CREB5: variants seen among roughly 807,000 people sequenced by gnomAD.
CREB5 encodes cAMP responsive element binding protein 5.
Under a neutral mutation model 57.1 loss-of-function variants are expected in CREB5, and 19 were observed. The ratio of observed to expected loss-of-function variants is 0.33; its 90% confidence interval spans 0.23 to 0.49. The LOEUF is 0.49. Ranked by LOEUF, CREB5 falls within the 20% of genes least tolerant of loss-of-function variation. The pLI is 0.99. For synonymous variants in CREB5, 238 were observed against 238.3 expected, an observed-to-expected ratio of 1.00 and a Z score of 0.01; for missense variants, 579 against 671.6, an observed-to-expected ratio of 0.86 and a Z score of 1.52.
chr7:28,679,052 C>CTTTTTTTTTTTTT (rs56266854), intron 5 of CREB5, among the ~76,000 whole-genome samples: 23 of 123,836 alleles, frequency 1.9e-4, no homozygotes, highest in East Asian at 7.6e-4. Context: ...TTTTGTAGTT[C>CTTTTTTTTTTTTT]TTTTTTTTTT....
At chr7:28,567,240 T>C (rs1002248776) in intron 4 of CREB5, among the ~76,000 whole-genome samples, 1 of 152,242 alleles carries the variant, frequency 6.6e-6, no homozygotes, top group African/African-American at 2.4e-5. Flanking sequence ...TTCTTCTTAA[T>C]CCTGATCCTC....
At chr7:28,612,496 A>G (rs2128678193) in intron 5 of CREB5, among the ~76,000 whole-genome samples, 1 of 151,718 alleles carries the variant, frequency 6.6e-6, no homozygotes. Context: ...ATAATGGTGA[A>G]ATAAAATCCT....
intron 5 of CREB5, among the ~76,000 whole-genome samples, chr7:28,700,390 A>C (rs1277011550): frequency 1.3e-5 from 2 of 152,150 alleles, no homozygotes; most frequent in Non-Finnish European, 2.9e-5. Context: ...CCCTCAGCTG[A>C]CTTCCTTGGC....
At chr7:28,536,425 G>C (rs968984070) in intron 4 of CREB5, among the ~76,000 whole-genome samples, 1 of 152,120 alleles carries the variant, frequency 6.6e-6, no homozygotes, top group East Asian at 1.9e-4. Flanking sequence ...CTCCCTTCCA[G>C]CTCTGAAGCT....
chr7:28,570,517 T>C lies in CREB5; in HGVS notation c.444T>C (p.Pro148=). 1 of 1,613,896 alleles carries C rather than the reference T, an allele frequency of 6.2e-7. No homozygotes were observed. Among genetic ancestry groups the C allele is most frequent in the African/African-American group, 1.3e-5 (1 of 75,012 alleles). The change falls in exon 5 of 11, where the codon CCT becomes CCC. Residue 148 remains proline (P), a synonymous_variant. Transcript: ENST00000357727. ...CCAGCTCTGTCATCACTCAGGCACC[T>C]TCCACCAACCGCCAGATCGGGTAAG... ...PQSSSVITQA[P]STNRQIGPVP...
intron 5 of CREB5, among the ~76,000 whole-genome samples, chr7:28,676,677 G>A (rs528622582): frequency 6.6e-6 from 1 of 152,244 alleles, no homozygotes; most frequent in East Asian, 1.9e-4. Context: ...AGTATCCAGA[G>A]GCCACTGTTG....
chr7:28,717,988 A>G (rs1165469837), intron 5 of CREB5, among the ~76,000 whole-genome samples: 3 of 152,242 alleles, frequency 2.0e-5, no homozygotes, highest in African/African-American at 7.2e-5. Flanking sequence ...TAAGGCTCTT[A>G]AAATTGTTTT....
chr7:28,484,503 A>T (rs1408449995), intron 1 of CREB5, among the ~76,000 whole-genome samples: 1 of 152,176 alleles, frequency 6.6e-6, no homozygotes, highest in Non-Finnish European at 1.5e-5. Context: ...CATCAGAATA[A>T]AGCAGTTGAA....
chr7:28,636,825 C>T (rs1188946000), intron 5 of CREB5, among the ~76,000 whole-genome samples: 2 of 152,098 alleles, frequency 1.3e-5, no homozygotes, highest in Non-Finnish European at 2.9e-5. Flanking sequence ...CTCTTTTATC[C>T]AGCCTCCTCA....
At chr7:28,737,564 TATATATATATA>T (rs1804082011) in intron 7 of CREB5, among the ~76,000 whole-genome samples, 3 of 110,168 alleles carry the variant, frequency 2.7e-5, no homozygotes, top group South Asian at 2.5e-4. Context: ...TATATATATA[TATATATATATA>T]TATATATATA....
At chr7:28,620,855 G>A (rs183133114) in intron 5 of CREB5, among the ~76,000 whole-genome samples, 197 of 152,278 alleles carry the variant, frequency 1.3e-3, no homozygotes, top group African/African-American at 4.6e-3. Context: ...GACACAGTCT[G>A]TGATCCAGTC....
At chr7:28,467,126 G>T (rs1790615387) in intron 1 of CREB5, among the ~76,000 whole-genome samples, 1 of 152,202 alleles carries the variant, frequency 6.6e-6, no homozygotes, top group Non-Finnish European at 1.5e-5. Context: ...AGGCAGTGTA[G>T]GGCCTTCCAC....
intron 5 of CREB5, among the ~76,000 whole-genome samples, chr7:28,694,101 T>C (rs1482794310): frequency 6.6e-6 from 1 of 152,234 alleles, no homozygotes; most frequent in Non-Finnish European, 1.5e-5. Context: ...AGATTTCTTT[T>C]TTAGATGGCA....
At chr7:28,596,334 A>G (rs745496546) in intron 5 of CREB5, among the ~76,000 whole-genome samples, 2 of 152,246 alleles carry the variant, frequency 1.3e-5, no homozygotes, top group African/African-American at 2.4e-5. Flanking sequence ...AAAGGAGCCA[A>G]CTACCCTGGA....
chr7:28,665,785 G>A (rs1234016456), intron 5 of CREB5, among the ~76,000 whole-genome samples: 1 of 152,018 alleles, frequency 6.6e-6, no homozygotes, highest in Non-Finnish European at 1.5e-5. Context: ...AGGCTGTGGT[G>A]GGAGGATTGC....
At chr7:28,394,327 A>C (rs59627174) in intron 1 of CREB5, among the ~76,000 whole-genome samples, 8,233 of 152,176 alleles carry the variant, frequency 0.054, 690 homozygotes, top group African/African-American at 0.18. Flanking sequence ...GGTAGATATT[A>C]ATCCAACTAC....
At chr7:28,811,370 C>T (rs1809111342) in intron 9 of CREB5, among the ~76,000 whole-genome samples, 1 of 152,100 alleles carries the variant, frequency 6.6e-6, no homozygotes, top group South Asian at 2.1e-4. Flanking sequence ...ATCTGAAAAA[C>T]TTTTAGGTAG....
rs537471427 is a variant in CREB5, at chr7:28,727,965, A to T, written c.702+3633A>T. ...GTTTGTTTGTTTGTTTGTTTGTTTG[A>T]GGCAGGATCTCACTCTGTCACCCTG... On this transcript the variant is annotated intron_variant, in intron 7 of 10. Transcript: ENST00000357727. 3.7e-4 allele frequency among the ~76,000 whole-genome samples: 55 copies of T among 149,772 alleles called. 1 individual carries two copies. The South Asian group carries it at 4.5e-3, about 12-fold the overall frequency.
intron 7 of CREB5, among the ~76,000 whole-genome samples, chr7:28,767,946 G>A (rs540680476): frequency 1.3e-5 from 2 of 152,202 alleles, no homozygotes; most frequent in Admixed American, 1.3e-4. Flanking sequence ...ATTATGAAAA[G>A]ACAAAGATAA....
Sources: gnomAD v4.1 joint callset for allele counts (sites outside exome capture counted in the v4.1 genomes callset) on GRCh38, gnomAD v4.1.1 for gene constraint, MANE v1.5 for transcripts, NCBI Gene and HGNC (gene_info 2026-07-23, HGNC 2026-07-21) for gene names.